CCBE1: variants seen among roughly 807,000 people sequenced by gnomAD.
The protein encoded by CCBE1 is collagen and calcium binding EGF domains 1.
A neutral mutation model predicts 50.0 loss-of-function variants in CCBE1; 37 were observed. That is an observed-to-expected ratio of 0.74 (90% CI 0.57 to 0.97). The LOEUF is 0.97. Ranked by LOEUF, CCBE1 falls within the 50% of genes least tolerant of loss-of-function variation. The pLI, the probability that CCBE1 is intolerant of heterozygous loss-of-function variation, is 0.00. For synonymous variants in CCBE1, 234 were observed against 203.7 expected (o/e 1.15, Z -1.27); for missense variants, 538 against 523.8 (o/e 1.03, Z -0.26).
chr18:59,584,460 C>A (rs2053145774), intron 2 of CCBE1, among the ~76,000 whole-genome samples: 1 of 152,126 alleles, frequency 6.6e-6, no homozygotes, highest in Non-Finnish European at 1.5e-5. Context: ...CGTAACTAAC[C>A]TGTACATTGT....
chr18:59,697,365 C>A lies in CCBE1; in HGVS notation c.-23G>T, dbSNP rs1168831919. ...CATCAGGGAAGCTCCCGGCTTCTTC[C>A]CAGCGCCGAGCTCCGTCCGGACCAA... On this transcript the variant is annotated 5_prime_UTR_variant, in exon 1 of 11. Coordinates refer to ENST00000439986, the MANE Select transcript of CCBE1 (RefSeq NM_133459.4). 2.6e-6 allele frequency: 4 copies of A among 1,542,886 alleles called. No homozygotes were observed. The highest frequency in any genetic ancestry group is 3.5e-6 in the Non-Finnish European group (4 of 1,146,112).
rs73961285 is a variant in CCBE1 at position 59,638,995 on chromosome 18, G to A, written c.212+57634C>T. 1.0e-3 allele frequency among the ~76,000 whole-genome samples: 153 copies of A among 152,184 alleles called. 1 individual carries two copies. Among genetic ancestry groups the A allele is most frequent in the African/African-American group, 3.4e-3 (140 of 41,526 alleles). ...ATTACTTTTGGTGCATCTTATTTTGGCAGAACTTGACTAATTGTAAAATTT... is the reference window on the plus strand; with the variant it reads ...ATTACTTTTGGTGCATCTTATTTTGACAGAACTTGACTAATTGTAAAATTT... On this transcript the variant is annotated intron_variant, in intron 2 of 10. Coordinates refer to ENST00000439986, the MANE Select transcript of CCBE1 (RefSeq NM_133459.4).
intron 2 of CCBE1, among the ~76,000 whole-genome samples, chr18:59,483,033 T>G (rs619524): frequency 0.071 from 10,722 of 151,978 alleles, 859 homozygotes; most frequent in East Asian, 0.33. Flanking sequence ...GGGAACTGCA[T>G]GTCACCTACA....
At position 59,455,107 on chromosome 18, in the gene CCBE1, C is replaced by G. The variant is rs1005579702; in HGVS notation, c.554-156G>C. On this transcript the variant is annotated intron_variant, in intron 5 of 10. Transcript: ENST00000439986. ...GTGATTTTACAGCTCTCAGGTCCTG[C>G]CAGCATGCCCCAGGGTCAGGGAAGA... The G allele has an allele frequency of 4.3e-6, 3 of 701,198 alleles. No individual in the cohort carries two copies. In the African/African-American group the frequency reaches 5.2e-5, roughly 12 times the overall value. The allele number at this position is 701,198 out of a possible 1,614,324, so 43.4% of individuals were successfully genotyped here.
At chr18:59,552,649 C>T (rs546117546) in intron 2 of CCBE1, among the ~76,000 whole-genome samples, 171 of 152,298 alleles carry the variant, frequency 1.1e-3, no homozygotes, top group African/African-American at 3.9e-3. Context: ...GGAAAGATCA[C>T]TTTACTGTGG....
At chr18:59,669,702 C>T (rs2054406172) in intron 2 of CCBE1, among the ~76,000 whole-genome samples, 1 of 152,236 alleles carries the variant, frequency 6.6e-6, no homozygotes, top group African/African-American at 2.4e-5. Context: ...GAGATGACTT[C>T]AGGTTCCCTC....
At chr18:59,564,864 A>G (rs1224852440) in intron 2 of CCBE1, among the ~76,000 whole-genome samples, 1 of 152,254 alleles carries the variant, frequency 6.6e-6, no homozygotes, top group Non-Finnish European at 1.5e-5. Context: ...GTAGAACATA[A>G]AGAATAGATC....
At position 59,697,263 on chromosome 18, in the gene CCBE1, A is replaced by G; in HGVS notation, c.80T>C (p.Leu27Pro). The change falls in exon 1 of 11, where the codon CTG (leucine) becomes CCG (proline). Residue 27 changes from leucine (L) to proline (P), a missense_variant. Transcript: ENST00000439986. Reference protein sequence around the residue: ...GRSLGPLLLLLALGHTWTYRE... With the variant: ...GRSLGPLLLLPALGHTWTYRE... ...GTAGGTCCACGTGTGTCCCAACGCC[A>G]GGAGCAGCAGCAGCGGACCCAGGCT... 5.8e-6 allele frequency: 9 copies of G among 1,549,304 alleles called. No homozygotes were observed. The highest frequency in any genetic ancestry group is 7.8e-6 in the Non-Finnish European group (9 of 1,146,724).
intron 2 of CCBE1, among the ~76,000 whole-genome samples, chr18:59,494,677 A>T (rs1219127079): frequency 6.6e-6 from 1 of 152,218 alleles, no homozygotes; most frequent in Non-Finnish European, 1.5e-5. Flanking sequence ...GAATTAAATC[A>T]GAAGAGAGCT....
chr18:59,650,919 T>G (rs2054118764), intron 2 of CCBE1, among the ~76,000 whole-genome samples: 1 of 151,510 alleles, frequency 6.6e-6, no homozygotes, highest in Non-Finnish European at 1.5e-5. Context: ...CCAGGGAAAA[T>G]GGAGAGGAAC....
intron 2 of CCBE1, among the ~76,000 whole-genome samples, chr18:59,694,436 G>T (rs1292624886): frequency 3.1e-5 from 1 of 31,970 alleles, no homozygotes; most frequent in African/African-American, 1.1e-4. Flanking sequence ...CTAACTGTTT[G>T]GTCAACTGAA....
chr18:59,689,884 A>G (rs1373015197), intron 2 of CCBE1, among the ~76,000 whole-genome samples: 2 of 152,190 alleles, frequency 1.3e-5, no homozygotes, highest in Admixed American at 6.5e-5. Flanking sequence ...ACCTTCTGTT[A>G]CCACCATCCC....
intron 2 of CCBE1, among the ~76,000 whole-genome samples, chr18:59,539,062 G>C (rs891396487): frequency 5.9e-5 from 9 of 152,074 alleles, no homozygotes; most frequent in African/African-American, 2.2e-4. Flanking sequence ...TACAGTCCCA[G>C]TTACTCAGGA....
In CCBE1 at chr18:59,493,979, G is replaced by A. The variant is rs181916075; in HGVS notation, c.213-13741C>T. Among the ~76,000 whole-genome samples the A allele has an allele frequency of 1.4e-4, 22 of 152,280 alleles. No individual in the cohort carries two copies. In the East Asian group the frequency reaches 3.9e-3, roughly 27 times the overall value. On this transcript the variant is annotated intron_variant, in intron 2 of 10. Transcript: ENST00000439986. ...CCACCATCCATGTAAGATGTGACTTGTTCCTCCTTGCCTTCCACCATGATT... is the reference window on the plus strand; with the variant it reads ...CCACCATCCATGTAAGATGTGACTTATTCCTCCTTGCCTTCCACCATGATT...
intron 3 of CCBE1, among the ~76,000 whole-genome samples, chr18:59,479,750 G>A (rs1039434384): frequency 9.2e-5 from 14 of 152,170 alleles, no homozygotes; most frequent in Non-Finnish European, 1.6e-4. Flanking sequence ...ACTTTGCTCT[G>A]TATCTCTATC....
Position 59,448,111 on chromosome 18 carries a change from G to T in CCBE1, c.655-8C>A. The stretch of plus-strand genomic sequence containing the variant: ...GTTGGGGAGCAGAGCAATCTGCAAG[G>T]AGAAGAGGAAGCCTCAGTCAGGAAG... On this transcript the variant is annotated splice_polypyrimidine_tract_variant and splice_region_variant and intron_variant, in intron 6 of 10. Coordinates refer to ENST00000439986, the MANE Select transcript of CCBE1 (RefSeq NM_133459.4). The T allele has an allele frequency of 6.2e-7, 1 of 1,613,914 alleles. No individual in the cohort carries two copies.
chr18:59,496,453 TCCTG>T (rs1193460334), intron 2 of CCBE1, among the ~76,000 whole-genome samples: 2 of 152,210 alleles, frequency 1.3e-5, no homozygotes, highest in Admixed American at 1.3e-4. Context: ...CTCTCATTCT[TCCTG>T]CCTGTCTCCT....
chr18:59,676,426 G>T (rs992872597), intron 2 of CCBE1, among the ~76,000 whole-genome samples: 1 of 152,022 alleles, frequency 6.6e-6, no homozygotes, highest in Non-Finnish European at 1.5e-5. Context: ...TATGTCTCCT[G>T]CCCTGTTTAT....
chr18:59,672,010 C>CA (rs2054438929), intron 2 of CCBE1, among the ~76,000 whole-genome samples: 1 of 152,150 alleles, frequency 6.6e-6, no homozygotes, highest in African/African-American at 2.4e-5. Flanking sequence ...GGACTTCAGC[C>CA]ATGGACGTGG....
Sources: allele counts gnomAD v4.1 joint callset (sites outside exome capture counted in the v4.1 genomes callset), GRCh38; gene constraint gnomAD v4.1.1; transcripts MANE v1.5; gene names NCBI Gene and HGNC (gene_info 2026-07-23, HGNC 2026-07-21).